SHC3: variants seen among roughly 807,000 people sequenced by gnomAD.
SHC3 encodes SHC adaptor protein 3.
Under a neutral mutation model 60.4 loss-of-function variants are expected in SHC3, and 15 were observed. The observed-to-expected ratio is 0.25, with a 90% CI of 0.17 to 0.38. The LOEUF is 0.38. SHC3 is among the 10% of genes least tolerant of loss of function. The pLI is 1.00. For missense variants in SHC3, 677 were observed against 786.1 expected (o/e 0.86, Z 1.66); for synonymous variants, 294 against 325.9 (o/e 0.90, Z 1.05).
intron 2 of SHC3, among the ~76,000 whole-genome samples, chr9:89,087,106 G>T (rs1048609735): frequency 6.6e-6 from 1 of 152,124 alleles, no homozygotes; most frequent in African/African-American, 2.4e-5. Context: ...GATGTCCTTG[G>T]CTATGAGGCA....
At chr9:89,057,315 C>CTTT (rs10606274) in intron 6 of SHC3, among the ~76,000 whole-genome samples, 15 of 133,748 alleles carry the variant, frequency 1.1e-4, no homozygotes, top group Non-Finnish European at 2.2e-4. Flanking sequence ...TTTCCTTTTT[C>CTTT]TTTTTTTTTT....
intron 2 of SHC3, among the ~76,000 whole-genome samples, chr9:89,081,257 G>A (rs181043816): frequency 2.6e-5 from 4 of 152,238 alleles, no homozygotes; most frequent in Admixed American, 2.0e-4. Flanking sequence ...AATAGAGGGC[G>A]GAGCAAAGGA....
chr9:89,129,221 G>A (rs893751278), intron 1 of SHC3, among the ~76,000 whole-genome samples: 7 of 152,150 alleles, frequency 4.6e-5, no homozygotes, highest in Admixed American at 4.6e-4. Context: ...AGAGTAAAAA[G>A]AAATGAACAA....
chr9:89,174,625 T>C (rs888474521), intron 1 of SHC3, among the ~76,000 whole-genome samples: 2 of 152,232 alleles, frequency 1.3e-5, no homozygotes, highest in Non-Finnish European at 2.9e-5. Context: ...TTTCTAAATA[T>C]GGTCACTTCT....
At chr9:89,054,047 G>C (rs940769025) in intron 6 of SHC3, among the ~76,000 whole-genome samples, 3 of 152,170 alleles carry the variant, frequency 2.0e-5, no homozygotes, top group African/African-American at 7.2e-5. Context: ...TTTTTTTAAG[G>C]AGAAAATAGG....
At chr9:89,018,404 C>T (rs902669566) in intron 11 of SHC3, among the ~76,000 whole-genome samples, 21 of 152,232 alleles carry the variant, frequency 1.4e-4, no homozygotes, top group African/African-American at 4.6e-4. Flanking sequence ...GAAAACCAAA[C>T]ACCACATGCC....
intron 7 of SHC3, among the ~76,000 whole-genome samples, chr9:89,047,603 C>T (rs949580515): frequency 2.6e-5 from 4 of 152,122 alleles, no homozygotes; most frequent in African/African-American, 9.7e-5. Flanking sequence ...AGACTTTTCT[C>T]CAGAGATACA....
intron 1 of SHC3, among the ~76,000 whole-genome samples, chr9:89,142,488 G>C (rs1039058667): frequency 6.6e-6 from 1 of 152,000 alleles, no homozygotes; most frequent in Non-Finnish European, 1.5e-5. Context: ...TTCAAAACCA[G>C]CCTGGCCAAC....
At chr9:89,068,322 A>G (rs2117986823) in intron 5 of SHC3, among the ~76,000 whole-genome samples, 1 of 152,340 alleles carries the variant, frequency 6.6e-6, no homozygotes, top group Middle Eastern at 3.4e-3. Context: ...AAAGTTTTCT[A>G]GTCTATCTTG....
At chr9:89,046,193 G>A (rs974018140) in intron 8 of SHC3, among the ~76,000 whole-genome samples, 3 of 149,358 alleles carry the variant, frequency 2.0e-5, no homozygotes, top group Admixed American at 6.7e-5. Flanking sequence ...TAACACATAC[G>A]CCCATGATCG....
intron 9 of SHC3, among the ~76,000 whole-genome samples, chr9:89,043,873 C>T (rs974797475): frequency 6.6e-6 from 1 of 152,022 alleles, no homozygotes; most frequent in Non-Finnish European, 1.5e-5. Context: ...AGGCTGGCAT[C>T]GAACTCCTGA....
Position 89,110,281 on chromosome 9 carries a change from T to C in SHC3, c.545+2275A>G, listed in dbSNP as rs1587732713. Reference sequence around the variant, plus strand: ...GCAAAATTTTAAATTAAACAGATAATTAGGGATTAATTATCTGCTTATAAA... The same window carrying C: ...GCAAAATTTTAAATTAAACAGATAACTAGGGATTAATTATCTGCTTATAAA... On this transcript the variant is annotated intron_variant, in intron 2 of 11. Transcript: ENST00000375835. 6.1e-6 allele frequency: 6 copies of C among 984,568 alleles called. No homozygotes were observed. In the African/African-American group the frequency reaches 7.0e-5, roughly 11 times the overall value. The allele number at this position is 984,568 out of a possible 1,614,324, so 61.0% of individuals were successfully genotyped here. A position where few individuals can be genotyped will look rare whatever the true frequency, so the allele number is the denominator to read the frequency against.
intron 1 of SHC3, among the ~76,000 whole-genome samples, chr9:89,113,080 C>T (rs1214311127): frequency 2.0e-5 from 3 of 148,568 alleles, no homozygotes; most frequent in African/African-American, 5.3e-5. Context: ...ATATGACCAA[C>T]ATTTTCATCA....
chr9:89,151,366 T>C (rs1221670980), intron 1 of SHC3, among the ~76,000 whole-genome samples: 3 of 152,172 alleles, frequency 2.0e-5, no homozygotes, highest in African/African-American at 7.2e-5. Context: ...TTTTGGTAAC[T>C]GATAAAGTCA....
At chr9:89,142,443 C>T (rs551495789) in intron 1 of SHC3, among the ~76,000 whole-genome samples, 4 of 149,998 alleles carry the variant, frequency 2.7e-5, no homozygotes, top group Non-Finnish European at 4.4e-5. Flanking sequence ...TGCCTGTAAT[C>T]CCACAAGGCA....
intron 11 of SHC3, among the ~76,000 whole-genome samples, chr9:89,016,319 G>A (rs1382412049): frequency 6.6e-6 from 1 of 152,050 alleles, no homozygotes; most frequent in African/African-American, 2.4e-5. Context: ...ATTTGCATTT[G>A]GTTTACAATA....
chr9:89,037,022 G>A (rs902416046), intron 11 of SHC3, among the ~76,000 whole-genome samples: 15 of 152,066 alleles, frequency 9.9e-5, no homozygotes, highest in Non-Finnish European at 1.5e-5. Flanking sequence ...TGAGGAAGTG[G>A]CTGTCTCCGC....
At chr9:89,112,343 GA>G (rs1046440903) in intron 2 of SHC3, among the ~76,000 whole-genome samples, 3 of 152,224 alleles carry the variant, frequency 2.0e-5, no homozygotes, top group Admixed American at 6.5e-5. Context: ...TGCAAGGGCA[GA>G]GTGTCCTTCA....
At chr9:89,110,257 C>A in intron 2 of SHC3, 2 of 985,170 alleles carry the variant, frequency 2.0e-6, no homozygotes, top group Admixed American at 6.1e-5. Flanking sequence ...GCCGTAGGGG[C>A]AAAATTTTAA....
Sources: gnomAD v4.1 joint callset for allele counts (sites outside exome capture counted in the v4.1 genomes callset) on GRCh38, gnomAD v4.1.1 for gene constraint, MANE v1.5 for transcripts, NCBI Gene and HGNC (gene_info 2026-07-23, HGNC 2026-07-21) for gene names.